ARHGAP44: variants seen among roughly 807,000 people sequenced by gnomAD.
The protein encoded by ARHGAP44 is Rho GTPase activating protein 44, also known as rho GTPase-activating protein 44.
Under a neutral mutation model 106.8 loss-of-function variants are expected in ARHGAP44, and 43 were observed. The ratio of observed to expected loss-of-function variants is 0.40; its 90% CI spans 0.32 to 0.52. The LOEUF (loss-of-function observed/expected upper bound fraction) is 0.52. Among genes scored for constraint, ARHGAP44 ranks in the 20% least tolerant of loss-of-function variants. ARHGAP44 has a pLI of 0.48. For missense variants in ARHGAP44, 866 were observed against 1,050.5 expected (o/e 0.82, Z 2.43); for synonymous variants, 439 against 410.3 (o/e 1.07, Z -0.85).
intron 8 of ARHGAP44, 60 bp downstream of exon 8, chr17:12,941,184 C>A: frequency 1.3e-6 from 2 of 1,502,508 alleles, no homozygotes; most frequent in Non-Finnish European, 1.9e-6. Context: ...GGAATGTGGG[C>A]ATGGAATTAA....
chr17:12,826,105 C>T (rs1355293780), intron 1 of ARHGAP44, among the ~76,000 whole-genome samples: 1 of 151,996 alleles, frequency 6.6e-6, no homozygotes, highest in Non-Finnish European at 1.5e-5. Flanking sequence ...GTCAGGGGTA[C>T]GTGTACAGGT....
At chr17:12,986,182 C>A (rs1341467874) in intron 20 of ARHGAP44, 1 of 152,170 alleles carries the variant, frequency 6.6e-6, no homozygotes, top group African/African-American at 2.4e-5. Context: ...GGTACAGCTG[C>A]TGTCATCTAC....
intron 8 of ARHGAP44, 86 bp from the exon 9 acceptor site, chr17:12,943,502 C>T (rs1448819557): frequency 6.3e-6 from 8 of 1,267,534 alleles, no homozygotes; most frequent in South Asian, 2.5e-5. Flanking sequence ...CATGTGGAAG[C>T]ACCTTTCTGC....
chr17:12,856,407 TCTC>T (rs1261379607), intron 1 of ARHGAP44, among the ~76,000 whole-genome samples: 3 of 152,198 alleles, frequency 2.0e-5, no homozygotes, highest in Non-Finnish European at 4.4e-5. Context: ...ATACCCTTCT[TCTC>T]TGCTTCCCTA....
chr17:12,857,426 A>G (rs1322200699), intron 1 of ARHGAP44, among the ~76,000 whole-genome samples: 1 of 152,202 alleles, frequency 6.6e-6, no homozygotes, highest in African/African-American at 2.4e-5. Flanking sequence ...GTTACATGCA[A>G]GAGAGCAAGA....
At chr17:12,924,087 C>A (rs1196607733) in intron 6 of ARHGAP44, among the ~76,000 whole-genome samples, 1 of 152,226 alleles carries the variant, frequency 6.6e-6, no homozygotes, top group Admixed American at 6.5e-5. Context: ...CACATAGAGA[C>A]CCTCCGCCTT....
At chr17:12,919,293 A>G (rs1419980008) in intron 5 of ARHGAP44, among the ~76,000 whole-genome samples, 3 of 152,218 alleles carry the variant, frequency 2.0e-5, no homozygotes, top group Admixed American at 2.0e-4. Flanking sequence ...CAGTAACACA[A>G]AAGGGAAAAA....
At chr17:12,844,713 T>G (rs1192217016) in intron 1 of ARHGAP44, among the ~76,000 whole-genome samples, 2 of 152,220 alleles carry the variant, frequency 1.3e-5, no homozygotes, top group East Asian at 3.8e-4. Context: ...AAAAACTCAC[T>G]CATTTTCATT....
At chr17:12,854,788 G>A (rs1344945173) in intron 1 of ARHGAP44, among the ~76,000 whole-genome samples, 6 of 151,796 alleles carry the variant, frequency 4.0e-5, no homozygotes, top group Non-Finnish European at 7.4e-5. Flanking sequence ...GAGAAACCTC[G>A]TCTCTACTAA....
chr17:12,893,305 CATT>C (rs1208251379), intron 1 of ARHGAP44, among the ~76,000 whole-genome samples: 1 of 152,164 alleles, frequency 6.6e-6, no homozygotes, highest in Non-Finnish European at 1.5e-5. Context: ...ATGAGTGTCT[CATT>C]ATTGCTCCCT....
intron 6 of ARHGAP44, among the ~76,000 whole-genome samples, chr17:12,922,600 G>A (rs563289532): frequency 2.0e-5 from 3 of 152,298 alleles, no homozygotes; most frequent in East Asian, 3.9e-4. Flanking sequence ...AGAGCCTCTT[G>A]TTAGCAGGCT....
intron 1 of ARHGAP44, among the ~76,000 whole-genome samples, chr17:12,827,004 A>G (rs988226358): frequency 6.6e-6 from 1 of 151,932 alleles, no homozygotes; most frequent in African/African-American, 2.4e-5. Flanking sequence ...CCTAATCACC[A>G]CCAAAGCTTA....
intron 1 of ARHGAP44, among the ~76,000 whole-genome samples, chr17:12,850,024 C>A (rs1320441683): frequency 2.0e-5 from 3 of 152,190 alleles, no homozygotes; most frequent in Non-Finnish European, 4.4e-5. Context: ...GCAGCAGGTT[C>A]TCTTTGGCCT....
At chr17:12,895,266 G>A (rs865927641) in intron 2 of ARHGAP44, among the ~76,000 whole-genome samples, 39 of 152,094 alleles carry the variant, frequency 2.6e-4, no homozygotes, top group African/African-American at 8.7e-4. Context: ...TGTCTTTTAC[G>A]ACAGTACTTT....
intron 16 of ARHGAP44, among the ~76,000 whole-genome samples, chr17:12,960,031 T>A (rs2039220191): frequency 6.6e-6 from 1 of 152,194 alleles, no homozygotes; most frequent in African/African-American, 2.4e-5. Flanking sequence ...ATTGGAGAAC[T>A]AAAGTTGGCA....
At chr17:12,901,999 C>T (rs1024284400) in intron 3 of ARHGAP44, among the ~76,000 whole-genome samples, 17 of 152,148 alleles carry the variant, frequency 1.1e-4, no homozygotes, top group African/African-American at 3.9e-4. Flanking sequence ...CATCTTCCAC[C>T]CCAAACCCTT....
At chr17:12,822,815 G>A (rs138821233) in intron 1 of ARHGAP44, among the ~76,000 whole-genome samples, 4 of 152,166 alleles carry the variant, frequency 2.6e-5, no homozygotes, top group African/African-American at 9.7e-5. Flanking sequence ...GTAATTCAGT[G>A]TGAAGTCTGT....
chr17:12,838,869 T>C (rs754906016), intron 1 of ARHGAP44, among the ~76,000 whole-genome samples: 51 of 151,868 alleles, frequency 3.4e-4, no homozygotes, highest in Non-Finnish European at 5.4e-4. Context: ...TGTATATATA[T>C]GTATATATAT....
chr17:12,799,406 C>T (rs2034020197), intron 1 of ARHGAP44, among the ~76,000 whole-genome samples: 1 of 152,190 alleles, frequency 6.6e-6, no homozygotes, highest in Non-Finnish European at 1.5e-5. Context: ...CTAGTCTATC[C>T]ATCTTCCCCT....
Sources: gnomAD v4.1 joint callset for allele counts (sites outside exome capture counted in the v4.1 genomes callset) on GRCh38, gnomAD v4.1.1 for gene constraint, MANE v1.5 for transcripts, NCBI Gene and HGNC (gene_info 2026-07-23, HGNC 2026-07-21) for gene names.